KLK4: variants seen among roughly 807,000 people sequenced by gnomAD.
KLK4 encodes the protein kallikrein-4.
In KLK4, 24 loss-of-function variants were observed where a neutral mutation model predicts 24.3. The observed-to-expected ratio is 0.99, with a 90% CI of 0.72 to 1.39. The LOEUF (loss-of-function observed/expected upper bound fraction) is 1.39, where lower values mean the gene tolerates loss of function less well. Among genes scored for constraint, KLK4 ranks in the 40% most tolerant of loss-of-function variants. KLK4 has a pLI of 0.00. For missense variants in KLK4, 344 were observed against 327.4 expected (o/e 1.05, Z -0.39); for synonymous variants, 142 against 138.8 (o/e 1.02, Z -0.16).
Position 50,910,611 on chromosome 19 carries a change from A to T in KLK4, c.61+67T>A. 2 of 1,422,760 alleles carry T rather than the reference A, an allele frequency of 1.4e-6. No homozygotes were observed. The highest frequency in any genetic ancestry group is 1.9e-6 in the Non-Finnish European group (2 of 1,029,774). The allele number at this position is 1,422,760 out of a possible 1,614,324, so 88.1% of individuals were successfully genotyped here. A position where few individuals can be genotyped will look rare whatever the true frequency, so the allele number is the denominator to read the frequency against. On this transcript the variant is annotated intron_variant, in intron 2 of 5. Transcript: ENST00000324041. The surrounding 1 kb of genome is among the most constrained non-coding windows in gnomAD (Gnocchi z 4.4). Reference sequence around the variant, plus strand: ...GTCACAAGCAAGAGGACACTGAGTCACACCTGAACATTAACAAACACTGTG... The same window carrying T: ...GTCACAAGCAAGAGGACACTGAGTCTCACCTGAACATTAACAAACACTGTG...
In KLK4 at chr19:50,909,241, T is replaced by G. The variant is rs1568514859; in HGVS notation, c.224+11A>C. ...CCAGGCCCTGCCCACTCCCCCTACC[T>G]CTGCACTCACTTCTGGAAACAGTGT... On this transcript the variant is annotated intron_variant, in intron 3 of 5. Coordinates refer to ENST00000324041, the Ensembl canonical transcript of KLK4. 1 of 1,613,602 alleles carries G rather than the reference T, an allele frequency of 6.2e-7. No individual in the cohort carries two copies. The highest frequency in any genetic ancestry group is 8.5e-7 in the Non-Finnish European group (1 of 1,179,838).
exon 3 of KLK4, chr19:50,909,317 T>C (rs138071534): frequency 5.9e-5 from 95 of 1,614,094 alleles, no homozygotes; most frequent in Admixed American, 5.0e-4. Context: ...AGCAGAACAA[T>C]TCGTTTTCCA....
chr19:50,907,614 C>A (rs2123510858), intron 5 of KLK4, among the ~76,000 whole-genome samples: 1 of 152,212 alleles, frequency 6.6e-6, no homozygotes, highest in African/African-American at 2.4e-5. Context: ...ACCATTTTGG[C>A]CAGGCTGGTC....
exon 4 of KLK4, chr19:50,908,780 G>A: frequency 1.2e-6 from 2 of 1,613,732 alleles, no homozygotes; most frequent in Non-Finnish European, 1.7e-6. Flanking sequence ...TGGCTCCCTG[G>A]CTCTTGGTCG....
At chr19:50,908,593 C>A in exon 4 of KLK4, 1 of 1,614,238 alleles carries the variant, frequency 6.2e-7, no homozygotes, top group Non-Finnish European at 8.5e-7. Flanking sequence ...CGCCAGCAGA[C>A]CCCAGCCAGA....
At position 50,907,019 on chromosome 19, in the gene KLK4, G is replaced by A. The variant is rs144350395; in HGVS notation, c.680C>T (p.Pro227Leu). The change falls in exon 6 of 6, where the codon CCG becomes CTG. Residue 227 changes from proline to leucine, a missense_variant. Coordinates refer to ENST00000324041, the Ensembl canonical transcript of KLK4. ...ACCTGGCACGCCAACTTGGCCACAC[G>A]GGGCTTTTCCGAAAGACACAAGGCC... 3,704 of 1,614,146 alleles carry A rather than the reference G, an allele frequency of 2.3e-3. 9 individuals are homozygous for A. The highest frequency in any genetic ancestry group is 2.8e-3 in the Non-Finnish European group (3,321 of 1,180,014).
exon 6 of KLK4, chr19:50,907,020 G>A (rs778290366): frequency 1.9e-6 from 3 of 1,614,154 alleles, no homozygotes; most frequent in Non-Finnish European, 2.5e-6. Context: ...TGGCCACACG[G>A]GGCTTTTCCG....
At chr19:50,909,305 C>T (rs1479581670) in exon 3 of KLK4, 1 of 1,614,204 alleles carries the variant, frequency 6.2e-7, no homozygotes, top group Non-Finnish European at 8.5e-7. Context: ...CCAGGACGCC[C>T]GAGCAGAACA....
rs1430333091 is a variant in KLK4, at chr19:50,910,823, CT to C, written c.-11-75del. ...AGTCTCTCCATCCCTCTCTTTGTCC[CT>C]CCCTTTCTTCCCTCTGGGACGTTAT... On this transcript the variant is annotated intron_variant, in intron 1 of 5. Coordinates refer to ENST00000324041, the Ensembl canonical transcript of KLK4. This position sits in a 1 kb window ranked among gnomAD's most constrained non-coding sequence, Gnocchi z 4.4. 7.7e-7 allele frequency: 1 copy of C among 1,304,278 alleles called. No individual in the cohort carries two copies. Among genetic ancestry groups the C allele is most frequent in the Admixed American group, 2.0e-5 (1 of 50,676 alleles). The allele number at this position is 1,304,278 out of a possible 1,614,324, so 80.8% of individuals were successfully genotyped here.
rs767416443 is a variant in KLK4 at position 50,909,244 on chromosome 19, G to A, written c.224+8C>T. ...GGCCCTGCCCACTCCCCCTACCTCT[G>A]CACTCACTTCTGGAAACAGTGTGCG... On this transcript the variant is annotated splice_region_variant and intron_variant, in intron 3 of 5. Transcript: ENST00000324041. 4.3e-6 allele frequency: 7 copies of A among 1,613,940 alleles called. No individual in the cohort carries two copies. In the Middle Eastern group the frequency reaches 6.6e-4, roughly 152 times the overall value.
intron 5 of KLK4, chr19:50,907,862 G>A (rs568448998): frequency 4.1e-6 from 1 of 243,594 alleles, no homozygotes; most frequent in African/African-American, 2.3e-5. Flanking sequence ...AAACACATTA[G>A]AAAAATTTTA....
intron 5 of KLK4, 86 bp downstream of exon 5, chr19:50,908,273 A>T: frequency 4.0e-6 from 6 of 1,516,022 alleles, no homozygotes; most frequent in Non-Finnish European, 5.4e-6. Flanking sequence ...CCATCTCTGC[A>T]TCTCGCCATG....
At chr19:50,907,204 C>T in intron 5 of KLK4, 118 bp from the exon 6 acceptor site, 3 of 1,024,348 alleles carry the variant, frequency 2.9e-6, no homozygotes, top group East Asian at 5.1e-5. Flanking sequence ...TCAATAACAA[C>T]ATAGCCCAGC....
At chr19:50,908,283 G>A in intron 5 of KLK4, 76 bp downstream of exon 5, 1 of 1,561,146 alleles carries the variant, frequency 6.4e-7, no homozygotes. Context: ...ATCTCGCCAT[G>A]CGGCCCTGTG....
chr19:50,908,597 A>G, exon 4 of KLK4: 1 of 1,614,230 alleles, frequency 6.2e-7, no homozygotes. Flanking sequence ...AGCAGACCCC[A>G]GCCAGAAACG....
chr19:50,907,404 CTTTTTT>C (rs147857832), intron 5 of KLK4, among the ~76,000 whole-genome samples: 1 of 110,716 alleles, frequency 9.0e-6, no homozygotes, highest in Non-Finnish European at 1.8e-5. Context: ...TTTGTAAAGT[CTTTTTT>C]TTTTTTTTTT....
intron 5 of KLK4, 82 bp downstream of exon 5, chr19:50,908,277 C>T (rs2090450979): frequency 1.5e-5 from 23 of 1,538,280 alleles, no homozygotes; most frequent in Non-Finnish European, 2.0e-5. Context: ...CTCTGCATCT[C>T]GCCATGCGGC....
chr19:50,909,892 G>A (rs1342076512), intron 2 of KLK4, among the ~76,000 whole-genome samples: 1 of 151,908 alleles, frequency 6.6e-6, no homozygotes, highest in East Asian at 1.9e-4. Flanking sequence ...GGGTTACAGC[G>A]CAGGGGCGCC....
intron 3 of KLK4, 192 bp downstream of exon 3, chr19:50,909,060 C>T: frequency 1.4e-6 from 2 of 1,477,646 alleles, no homozygotes; most frequent in South Asian, 2.7e-5. Flanking sequence ...CAAGTCAGGA[C>T]TCTCTGAGTC....
Sources: gnomAD v4.1 joint callset for allele counts (sites outside exome capture counted in the v4.1 genomes callset) on GRCh38, gnomAD v4.1.1 for gene constraint, Gnocchi (gnomAD v3.1) non-coding constraint, MANE v1.5 for transcripts, NCBI Gene and HGNC (gene_info 2026-07-23, HGNC 2026-07-21) for gene names.